Variants in KIF26B observed in about 807,000 individuals in gnomAD.
KIF26B encodes the protein kinesin-like protein KIF26B.
In KIF26B, 63 loss-of-function variants were observed where a neutral mutation model predicts 151.2. The observed-to-expected ratio is 0.42, with a 90% CI of 0.34 to 0.51. The LOEUF (loss-of-function observed/expected upper bound fraction) is 0.51, where lower values mean the gene tolerates loss of function less well. Among genes scored for constraint, KIF26B ranks in the 20% least tolerant of loss-of-function variants. KIF26B has a pLI of 0.07. For missense variants in KIF26B, 2,813 were observed against 2,913.6 expected (o/e 0.97, Z 0.79); for synonymous variants, 1,357 against 1,262.1 (o/e 1.08, Z -1.59).
At chr1:245,471,068 G>A (rs936476980) in intron 4 of KIF26B, among the ~76,000 whole-genome samples, 6 of 151,948 alleles carry the variant, frequency 3.9e-5, no homozygotes, top group African/African-American at 1.5e-4. Flanking sequence ...GCAGAACAGT[G>A]TAAAAATGAT....
intron 4 of KIF26B, among the ~76,000 whole-genome samples, chr1:245,462,305 G>T (rs1659665369): frequency 6.6e-6 from 1 of 152,248 alleles, no homozygotes; most frequent in East Asian, 1.9e-4. Context: ...AATCACAGGG[G>T]ATGGCTTCGA....
chr1:245,359,874 C>CTTTTTTTT (rs766845350), intron 2 of KIF26B, among the ~76,000 whole-genome samples: 3 of 139,606 alleles, frequency 2.1e-5, no homozygotes, highest in Admixed American at 7.1e-5. Context: ...TTCTTTCTTT[C>CTTTTTTTT]TTTTTTTTTT....
intron 2 of KIF26B, among the ~76,000 whole-genome samples, chr1:245,158,609 TG>T (rs1242444409): frequency 1.3e-5 from 2 of 152,098 alleles, no homozygotes; most frequent in African/African-American, 2.4e-5. Context: ...CTGGCAGTCA[TG>T]GGGGCAGTCA....
chr1:245,224,077 G>A (rs908223386), intron 2 of KIF26B, among the ~76,000 whole-genome samples: 1 of 152,174 alleles, frequency 6.6e-6, no homozygotes, highest in Admixed American at 6.5e-5. Flanking sequence ...CTGAGGTCGG[G>A]AGTTCGAGAC....
At chr1:245,534,826 A>G (rs544300331) in intron 4 of KIF26B, among the ~76,000 whole-genome samples, 2 of 149,044 alleles carry the variant, frequency 1.3e-5, no homozygotes, top group Admixed American at 6.8e-5. Context: ...TCTGTCACCC[A>G]GGCTGGAGTG....
chr1:245,579,014 C>T (rs2043150290), intron 5 of KIF26B, among the ~76,000 whole-genome samples: 2 of 152,014 alleles, frequency 1.3e-5, no homozygotes, highest in African/African-American at 2.4e-5. Flanking sequence ...GGTTTTTATC[C>T]TCATAAATCA....
chr1:245,349,189 A>ACAT (rs1208391063), intron 2 of KIF26B, among the ~76,000 whole-genome samples: 5 of 152,224 alleles, frequency 3.3e-5, no homozygotes, highest in Non-Finnish European at 7.3e-5. Flanking sequence ...GAAGGCATAG[A>ACAT]CATATGTCTT....
intron 2 of KIF26B, among the ~76,000 whole-genome samples, chr1:245,305,684 A>C (rs1671522142): frequency 6.6e-6 from 1 of 152,188 alleles, no homozygotes; most frequent in African/African-American, 2.4e-5. Context: ...CACGCCTGTA[A>C]TCCCAGCACT....
Position 245,366,992 on chromosome 1 carries a change from A to G in KIF26B, c.624A>G (p.Ala208=). 6.2e-7 allele frequency: 1 copy of G among 1,613,916 alleles called. No individual in the cohort carries two copies. Among genetic ancestry groups the G allele is most frequent in the Middle Eastern group, 1.6e-4 (1 of 6,062 alleles). ...AIQMVLTLEQ[A]AGSEHYDASP... ...AGATGGTGCTGACGTTGGAGCAGGC[A>G]GCCGGCAGTGAGCACTACGACGCCT... The change falls in exon 3 of 15, where the codon GCA becomes GCG. Residue 208 remains alanine (A), a synonymous_variant. Coordinates refer to ENST00000407071, the MANE Select transcript of KIF26B (RefSeq NM_018012.4).
intron 10 of KIF26B, among the ~76,000 whole-genome samples, chr1:245,658,965 C>T (rs986139610): frequency 9.9e-5 from 15 of 152,088 alleles, no homozygotes; most frequent in African/African-American, 3.6e-4. Context: ...CATGCAGTGG[C>T]TCACACTTGT....
intron 2 of KIF26B, among the ~76,000 whole-genome samples, chr1:245,198,776 C>A (rs1409022316): frequency 6.6e-6 from 1 of 150,972 alleles, no homozygotes; most frequent in Non-Finnish European, 1.5e-5. Context: ...TATTTACAGT[C>A]AGGGTGTGGG....
intron 3 of KIF26B, among the ~76,000 whole-genome samples, chr1:245,376,001 G>A (rs563497203): frequency 1.3e-5 from 2 of 152,106 alleles, no homozygotes; most frequent in African/African-American, 2.4e-5. Context: ...ACACCACAGC[G>A]ACTCTCCATT....
chr1:245,158,298 G>A (rs1668478458), intron 2 of KIF26B, among the ~76,000 whole-genome samples: 1 of 152,034 alleles, frequency 6.6e-6, no homozygotes, highest in Admixed American at 6.6e-5. Flanking sequence ...AAAAGAGGAG[G>A]GGAAGGAAAA....
At chr1:245,428,006 C>T (rs571628983) in intron 4 of KIF26B, among the ~76,000 whole-genome samples, 1 of 152,302 alleles carries the variant, frequency 6.6e-6, no homozygotes, top group East Asian at 1.9e-4. Context: ...GAACCACCTC[C>T]TCTGGGGCTC....
chr1:245,167,083 T>G lies in KIF26B; in HGVS notation c.465+10400T>G, dbSNP rs572767501. ...TTATTGGAGTTTACGTTCAATACTGTTGCCAACCACAAAAAGTTATTGGAA... is the reference window on the plus strand; with the variant it reads ...TTATTGGAGTTTACGTTCAATACTGGTGCCAACCACAAAAAGTTATTGGAA... On this transcript the variant is annotated intron_variant, in intron 2 of 14. Coordinates refer to ENST00000407071, the MANE Select transcript of KIF26B (RefSeq NM_018012.4). The surrounding 1 kb of genome is among the most constrained non-coding windows in gnomAD (Gnocchi z 4.2). Among the ~76,000 whole-genome samples, 17 of 152,370 alleles carry G rather than the reference T, an allele frequency of 1.1e-4. No individual in the cohort carries two copies. The highest frequency in any genetic ancestry group is 4.1e-4 in the African/African-American group (17 of 41,588).
intron 2 of KIF26B, among the ~76,000 whole-genome samples, chr1:245,333,868 G>C (rs1330789101): frequency 6.6e-6 from 1 of 152,106 alleles, no homozygotes; most frequent in Non-Finnish European, 1.5e-5. Flanking sequence ...CATGGTGGTG[G>C]GCGCCTGTAA....
Position 245,244,013 on chromosome 1 carries a change from C to T in KIF26B, c.465+87330C>T, listed in dbSNP as rs1393712617. ...GGAATACAGTGGTGTGATCATGGCT[C>T]ACTGCAGTCTCCAGCTCCTCACTCA... On this transcript the variant is annotated intron_variant, in intron 2 of 14. Transcript: ENST00000407071. The surrounding 1 kb of genome is among the most constrained non-coding windows in gnomAD (Gnocchi z 4.2). Among the ~76,000 whole-genome samples, 1 of 152,202 alleles carries T rather than the reference C, an allele frequency of 6.6e-6. No homozygotes were observed. Among genetic ancestry groups the T allele is most frequent in the East Asian group, 1.9e-4 (1 of 5,198 alleles).
intron 4 of KIF26B, among the ~76,000 whole-genome samples, chr1:245,470,277 T>A (rs1437887621): frequency 6.6e-6 from 1 of 152,054 alleles, no homozygotes; most frequent in Non-Finnish European, 1.5e-5. Context: ...CGAACTAGGC[T>A]GTCACAATCA....
chr1:245,487,970 T>C (rs1046788665), intron 4 of KIF26B, among the ~76,000 whole-genome samples: 8 of 152,152 alleles, frequency 5.3e-5, no homozygotes, highest in Non-Finnish European at 1.2e-4. Context: ...GTATTTTTAG[T>C]AGAGATGAGG....
Sources: allele counts gnomAD v4.1 joint callset (sites outside exome capture counted in the v4.1 genomes callset), GRCh38; gene constraint gnomAD v4.1.1; non-coding constraint Gnocchi (gnomAD v3.1); transcripts MANE v1.5; gene names NCBI Gene and HGNC (gene_info 2026-07-23, HGNC 2026-07-21).